FDFT1: variants seen among roughly 807,000 people sequenced by gnomAD.
FDFT1 encodes the protein squalene synthase.
In FDFT1, 68 loss-of-function variants were observed where a neutral mutation model predicts 46.8. The observed-to-expected ratio is 1.45, with a 90% CI of 1.19 to 1.78. The LOEUF (loss-of-function observed/expected upper bound fraction) is 1.78, where lower values mean the gene tolerates loss of function less well. FDFT1 is among the 40% of genes most tolerant of loss of function. FDFT1 has a pLI of 0.00. For missense variants in FDFT1, 928 were observed against 524.4 expected (o/e 1.77, Z -7.52); for synonymous variants, 351 against 185.1 (o/e 1.90, Z -7.28).
intron 7 of FDFT1, among the ~76,000 whole-genome samples, chr8:11,837,611 G>T (rs1275775100): frequency 1.3e-5 from 2 of 152,122 alleles, no homozygotes; most frequent in African/African-American, 4.8e-5. Flanking sequence ...TCTGGACCAT[G>T]GGTGGCCTTG....
At chr8:11,797,678 C>T (rs546101080), upstream of FDFT1, among the ~76,000 whole-genome samples, 19 of 116,940 alleles carry the variant, frequency 1.6e-4, no homozygotes, top group East Asian at 2.7e-3. Context: ...ACAAAAAAAA[C>T]GGTGGGGGAG....
intron 1 of FDFT1, chr8:11,808,364 C>T (rs1395320079): frequency 8.1e-7 from 1 of 1,234,498 alleles, no homozygotes; most frequent in African/African-American, 1.6e-5. Flanking sequence ...GAGCGGGAGG[C>T]CGGGGGCGGG....
intron 1 of FDFT1, among the ~76,000 whole-genome samples, chr8:11,806,254 C>T (rs80051943): frequency 0.12 from 18,969 of 152,068 alleles, 1,286 homozygotes; most frequent in Middle Eastern, 0.18. Flanking sequence ...GAATCTCAGA[C>T]TGCAATAGAT....
chr8:11,804,798 G>C (rs1192117912), intron 1 of FDFT1, among the ~76,000 whole-genome samples: 1 of 151,558 alleles, frequency 6.6e-6, no homozygotes, highest in African/African-American at 2.4e-5. Context: ...TAGTAGAGAC[G>C]GGGTTTCACC....
At chr8:11,828,256 C>G (rs111657290) in intron 5 of FDFT1, among the ~76,000 whole-genome samples, 2,003 of 152,238 alleles carry the variant, frequency 0.013, 48 homozygotes, top group African/African-American at 0.045. Flanking sequence ...CCACTGCATT[C>G]TAGCAGCCTG....
In FDFT1 at chr8:11,807,240, C is replaced by T. The variant is rs1248829422; in HGVS notation, c.100-1554C>T. On this transcript the variant is annotated intron_variant, in intron 1 of 7. Coordinates refer to ENST00000220584, the MANE Select transcript of FDFT1 (RefSeq NM_004462.5). ...GTAACGTGTATCTCCTGGGCTCAAG[C>T]GATCCTCCCACCTCAGCCTCCTGAG... Among the ~76,000 whole-genome samples the T allele has an allele frequency of 3.3e-5, 5 of 152,208 alleles. No individual in the cohort carries two copies. In the East Asian group the frequency reaches 9.7e-4, roughly 29 times the overall value.
chr8:11,802,289 G>C (rs975051156), upstream of FDFT1: 3 of 387,110 alleles, frequency 7.7e-6, no homozygotes, highest in South Asian at 5.6e-5. Context: ...GAGCTCACCC[G>C]GCTGGCAGGA....
intron 1 of FDFT1, among the ~76,000 whole-genome samples, chr8:11,807,485 C>A (rs1421123778): frequency 2.0e-5 from 3 of 152,090 alleles, no homozygotes; most frequent in African/African-American, 7.2e-5. Context: ...TGATTCCAGT[C>A]TCTCCCAAAA....
intron 1 of FDFT1, chr8:11,808,331 C>T (rs966701779): frequency 6.5e-6 from 8 of 1,233,432 alleles, no homozygotes; most frequent in Non-Finnish European, 8.1e-6. Context: ...AGAAGGGCAA[C>T]AGCGGGAGGA....
intron 7 of FDFT1, among the ~76,000 whole-genome samples, chr8:11,832,826 C>G (rs897133203): frequency 5.9e-5 from 9 of 152,222 alleles, no homozygotes; most frequent in African/African-American, 1.7e-4. Context: ...TGAAAACATA[C>G]AAGACCCTCA....
chr8:11,805,361 C>G (rs769585841), intron 1 of FDFT1, among the ~76,000 whole-genome samples: 3 of 152,192 alleles, frequency 2.0e-5, no homozygotes, highest in Non-Finnish European at 2.9e-5. Context: ...ATCAGTAAAT[C>G]TACGGGCATA....
At chr8:11,798,668 G>T (rs548789872), upstream of FDFT1, among the ~76,000 whole-genome samples, 6 of 152,142 alleles carry the variant, frequency 3.9e-5, no homozygotes, top group Non-Finnish European at 4.4e-5. Flanking sequence ...GAATGGGCAC[G>T]TTAACTAACT....
At chr8:11,797,638 C>CAAAA (rs34350077), upstream of FDFT1, among the ~76,000 whole-genome samples, 468 of 75,086 alleles carry the variant, frequency 6.2e-3, 11 homozygotes, top group South Asian at 0.013. Context: ...CACACACACT[C>CAAAA]AAAAAAAAAA....
At chr8:11,796,264 CTGTT>C (rs1286135412) in intron 1 of FDFT1, among the ~76,000 whole-genome samples, 23 of 152,190 alleles carry the variant, frequency 1.5e-4, no homozygotes, top group African/African-American at 4.8e-4. Context: ...AGTGACTGGA[CTGTT>C]TGTGTTCTGA....
intron 3 of FDFT1, among the ~76,000 whole-genome samples, chr8:11,818,509 G>C (rs1808775054): frequency 6.6e-6 from 1 of 152,098 alleles, no homozygotes; most frequent in African/African-American, 2.4e-5. Flanking sequence ...TCTTTTTCTA[G>C]GTCTCTAAGG....
chr8:11,828,887 C>G (rs890501877), intron 5 of FDFT1, among the ~76,000 whole-genome samples: 16 of 152,172 alleles, frequency 1.1e-4, no homozygotes, highest in African/African-American at 3.4e-4. Flanking sequence ...GTGGATAGAC[C>G]ACATTTATCC....
rs182753053 is a variant in FDFT1 at position 11,833,681 on chromosome 8, C to T, written c.1032+2011C>T. Among the ~76,000 whole-genome samples, 72 of 152,344 alleles carry T rather than the reference C, an allele frequency of 4.7e-4. 1 individual carries two copies. Among genetic ancestry groups the T allele is most frequent in the African/African-American group, 1.6e-3 (67 of 41,568 alleles). Reference sequence around the variant, plus strand: ...AATAAATGTTATCAGAACACAGCCACACCCATTTGCTTCTTTGTCTTCTGT... The same window carrying T: ...AATAAATGTTATCAGAACACAGCCATACCCATTTGCTTCTTTGTCTTCTGT... On this transcript the variant is annotated intron_variant, in intron 7 of 7. Transcript: ENST00000220584.
chr8:11,813,318 AATG>A (rs1807992787), intron 3 of FDFT1, among the ~76,000 whole-genome samples: 1 of 152,238 alleles, frequency 6.6e-6, no homozygotes, highest in African/African-American at 2.4e-5. Flanking sequence ...CTTATTTTTA[AATG>A]ATAATAGCAA....
chr8:11,802,905 C>G lies in FDFT1; in HGVS notation c.73C>G (p.Arg25Gly). The G allele has an allele frequency of 6.2e-7, 1 of 1,610,788 alleles. No homozygotes were observed. The highest frequency in any genetic ancestry group is 8.5e-7 in the Non-Finnish European group (1 of 1,178,476). ...NLVRFRIGGKRKVMPKMDQDS... is the reference protein window; with the variant it reads ...NLVRFRIGGKGKVMPKMDQDS... Reference sequence around the variant, plus strand: ...GGTGCGCTTCCGGATCGGGGGCAAGCGGAAGGTGATGCCCAAGATGGACCA... The same window carrying G: ...GGTGCGCTTCCGGATCGGGGGCAAGGGGAAGGTGATGCCCAAGATGGACCA... The change falls in exon 1 of 8, where the codon CGG (arginine) becomes GGG (glycine). Residue 25 changes from arginine (R) to glycine (G), a missense_variant. Physicochemically the swap from Arg to Gly is moderately radical, Grantham distance 125. Transcript: ENST00000220584.
Sources: allele counts gnomAD v4.1 joint callset (sites outside exome capture counted in the v4.1 genomes callset), GRCh38; gene constraint gnomAD v4.1.1; transcripts MANE v1.5; gene names NCBI Gene and HGNC (gene_info 2026-07-23, HGNC 2026-07-21).